Variants in ERC2 observed in about 807,000 individuals in gnomAD.
ERC2 encodes the protein ERC protein 2.
ERC2 carries 42 observed loss-of-function variants against 114.8 expected under a neutral mutation model. The ratio of observed to expected loss-of-function variants is 0.37; its 90% confidence interval spans 0.29 to 0.47. The LOEUF is 0.47. ERC2 is among the 20% of genes least tolerant of loss of function. The pLI, the probability that ERC2 is intolerant of heterozygous loss-of-function variation, is 0.99. For missense variants in ERC2, 939 were observed against 1,150.7 expected (o/e 0.82, Z 2.66); for synonymous variants, 454 against 425.5 (o/e 1.07, Z -0.82).
intron 12 of ERC2, among the ~76,000 whole-genome samples, chr3:55,973,272 A>C (rs2069314195): frequency 6.6e-6 from 1 of 152,206 alleles, no homozygotes; most frequent in African/African-American, 2.4e-5. Flanking sequence ...AATCTGTTGG[A>C]TTAGTTACAG....
intron 6 of ERC2, among the ~76,000 whole-genome samples, chr3:56,134,403 A>G (rs1402682960): frequency 2.6e-5 from 4 of 152,228 alleles, no homozygotes; most frequent in African/African-American, 9.6e-5. Flanking sequence ...TCTGGCACAT[A>G]GTAGGCATTC....
intron 12 of ERC2, among the ~76,000 whole-genome samples, chr3:55,975,196 A>T (rs151096500): frequency 1.5e-4 from 23 of 152,272 alleles, no homozygotes; most frequent in African/African-American, 5.5e-4. Flanking sequence ...GCTATAAAAA[A>T]AAAAAACATG....
chr3:56,002,895 T>C (rs1029901776), intron 10 of ERC2, among the ~76,000 whole-genome samples: 16 of 152,146 alleles, frequency 1.1e-4, no homozygotes, highest in Admixed American at 1.0e-3. Flanking sequence ...GAGTTGGCAA[T>C]ATTTTCTTGA....
Position 56,184,164 on chromosome 3 carries a change from G to T in ERC2, c.1075-10644C>A, listed in dbSNP as rs1360683927. 5.9e-5 allele frequency among the ~76,000 whole-genome samples: 9 copies of T among 151,976 alleles called. No individual in the cohort carries two copies. In the South Asian group the frequency reaches 1.7e-3, roughly 28 times the overall value. ...AAGACTTTTTCACAGATTCATCTTGGTCCTTTAGATGTTATGGTCCTGGAA... is the reference window on the plus strand; with the variant it reads ...AAGACTTTTTCACAGATTCATCTTGTTCCTTTAGATGTTATGGTCCTGGAA... On this transcript the variant is annotated intron_variant, in intron 3 of 17. Coordinates refer to ENST00000288221, the MANE Select transcript of ERC2 (RefSeq NM_015576.3).
At chr3:56,410,136 G>A (rs929692672) in intron 2 of ERC2, among the ~76,000 whole-genome samples, 1 of 152,166 alleles carries the variant, frequency 6.6e-6, no homozygotes, top group Non-Finnish European at 1.5e-5. Flanking sequence ...ATTAGTGCCA[G>A]TAATTAAAAA....
At chr3:56,132,930 C>T (rs956304129) in intron 6 of ERC2, among the ~76,000 whole-genome samples, 28 of 152,162 alleles carry the variant, frequency 1.8e-4, no homozygotes, top group Non-Finnish European at 3.7e-4. Flanking sequence ...AAACAATACC[C>T]TCCCTAGAGT....
At chr3:55,763,877 TAATAA>T (rs1347302467) in intron 14 of ERC2, among the ~76,000 whole-genome samples, 1 of 152,222 alleles carries the variant, frequency 6.6e-6, no homozygotes. Context: ...TAATAGTACC[TAATAA>T]AATAAAGCAC....
intron 8 of ERC2, 70 bp from the exon 9 acceptor site, chr3:56,010,659 G>T (rs766948972): frequency 6.9e-5 from 102 of 1,481,768 alleles, no homozygotes; most frequent in Admixed American, 4.6e-4. Flanking sequence ...TACTGTAAAA[G>T]AAAATAAGAG....
Position 56,167,128 on chromosome 3 carries a change from T to C in ERC2, c.1149+6318A>G, listed in dbSNP as rs1356408914. 2.0e-5 allele frequency among the ~76,000 whole-genome samples: 3 copies of C among 152,270 alleles called. No homozygotes were observed. The East Asian group carries it at 5.8e-4, about 29-fold the overall frequency. The stretch of plus-strand genomic sequence containing the variant: ...GTTTTCCAAGGCTTTCTCCAAATGC[T>C]ACCTTCTCCAAAAAGCATTCTGTCT... On this transcript the variant is annotated intron_variant, in intron 4 of 17. Transcript: ENST00000288221.
chr3:56,290,488 T>C lies in ERC2; in HGVS notation c.1074+5531A>G, dbSNP rs2055012148. On this transcript the variant is annotated intron_variant, in intron 3 of 17. Coordinates refer to ENST00000288221, the MANE Select transcript of ERC2 (RefSeq NM_015576.3). ...TATATAAAATGTTATGTTTATATGT[T>C]TGGGAATAGTTTCTGTAATTAGCTT... Among the ~76,000 whole-genome samples, 4 of 152,320 alleles carry C rather than the reference T, an allele frequency of 2.6e-5. No individual in the cohort carries two copies. In the South Asian group the frequency reaches 8.3e-4, roughly 32 times the overall value.
chr3:55,931,548 AC>A (rs1442165039), intron 13 of ERC2, among the ~76,000 whole-genome samples: 2 of 152,192 alleles, frequency 1.3e-5, no homozygotes, highest in African/African-American at 4.8e-5. Flanking sequence ...TGCAAATTGA[AC>A]AATGAGAACA....
At chr3:55,815,238 A>G (rs1157420438) in intron 14 of ERC2, among the ~76,000 whole-genome samples, 2 of 152,214 alleles carry the variant, frequency 1.3e-5, no homozygotes, top group African/African-American at 4.8e-5. Flanking sequence ...GGGGTGTCAT[A>G]GGCAGAATCT....
At chr3:55,539,340 T>C (rs1211068639) in intron 17 of ERC2, among the ~76,000 whole-genome samples, 2 of 151,894 alleles carry the variant, frequency 1.3e-5, no homozygotes, top group African/African-American at 4.8e-5. Flanking sequence ...TTATCCATGC[T>C]TGGAGATTTT....
intron 14 of ERC2, among the ~76,000 whole-genome samples, chr3:55,808,743 A>ATATATATATAT (rs2059598300): frequency 2.0e-5 from 2 of 97,852 alleles, no homozygotes; most frequent in African/African-American, 4.4e-5. Flanking sequence ...ATATATATAT[A>ATATATATATAT]ACGTATAACT....
intron 17 of ERC2, among the ~76,000 whole-genome samples, chr3:55,553,401 A>C (rs2055365131): frequency 6.6e-6 from 1 of 152,122 alleles, no homozygotes. Context: ...CCCCACATTA[A>C]GAATTTTATT....
At chr3:56,242,373 A>T (rs1259987083) in intron 3 of ERC2, among the ~76,000 whole-genome samples, 1 of 152,180 alleles carries the variant, frequency 6.6e-6, no homozygotes, top group East Asian at 1.9e-4. Context: ...TACACTGCTC[A>T]GGTGACGGGT....
At chr3:56,314,992 G>A (rs1055658367) in intron 2 of ERC2, among the ~76,000 whole-genome samples, 9 of 152,104 alleles carry the variant, frequency 5.9e-5, no homozygotes, top group Admixed American at 2.6e-4. Flanking sequence ...CAGCTGCCAC[G>A]AGCCAGAGTT....
At chr3:55,577,550 C>T (rs1033962735) in intron 17 of ERC2, among the ~76,000 whole-genome samples, 7 of 152,130 alleles carry the variant, frequency 4.6e-5, no homozygotes, top group African/African-American at 1.7e-4. Context: ...AATCACAGGC[C>T]TGCAAGGTGG....
At chr3:56,035,082 C>T (rs2149639418) in intron 7 of ERC2, among the ~76,000 whole-genome samples, 1 of 151,802 alleles carries the variant, frequency 6.6e-6, no homozygotes, top group African/African-American at 2.4e-5. Flanking sequence ...TTTAGCTAGA[C>T]TAATAAAAAA....
Sources: gnomAD v4.1 joint callset for allele counts (sites outside exome capture counted in the v4.1 genomes callset) on GRCh38, gnomAD v4.1.1 for gene constraint, MANE v1.5 for transcripts, NCBI Gene and HGNC (gene_info 2026-07-23, HGNC 2026-07-21) for gene names.